The following COL24A1 variants were observed in gnomAD, a reference collection of about 807,000 sequenced individuals.
COL24A1 encodes collagen type XXIV alpha 1 chain, also known as collagen alpha-1(XXIV) chain.
COL24A1 carries 224 observed loss-of-function variants against 253.9 expected under a neutral mutation model. The observed-to-expected ratio is 0.88, with a 90% CI of 0.79 to 0.99. The LOEUF is 0.99. Ranked by LOEUF, COL24A1 falls within the 50% of genes least tolerant of loss-of-function variation. COL24A1 has a pLI of 0.00. For synonymous variants in COL24A1, 685 were observed against 673.7 expected (o/e 1.02, Z -0.26); for missense variants, 2,131 against 2,068.5 (o/e 1.03, Z -0.59).
At chr1:85,927,363 G>A (rs990646717) in intron 24 of COL24A1, among the ~76,000 whole-genome samples, 3 of 151,520 alleles carry the variant, frequency 2.0e-5, no homozygotes, top group Non-Finnish European at 4.4e-5. Context: ...CGAATATTGC[G>A]CTTTTCAGAC....
intron 24 of COL24A1, among the ~76,000 whole-genome samples, chr1:85,949,052 T>C (rs1374295515): frequency 6.6e-6 from 1 of 152,150 alleles, no homozygotes; most frequent in Non-Finnish European, 1.5e-5. Context: ...TCGTGACATA[T>C]TGGTATCTTC....
intron 24 of COL24A1, among the ~76,000 whole-genome samples, chr1:85,915,415 G>A (rs1255569677): frequency 1.3e-5 from 2 of 152,146 alleles, no homozygotes; most frequent in Non-Finnish European, 2.9e-5. Context: ...AGGATCTCCT[G>A]TTTGTGGATG....
intron 1 of COL24A1, among the ~76,000 whole-genome samples, chr1:86,151,026 A>AT (rs1652687624): frequency 6.6e-6 from 1 of 152,056 alleles, no homozygotes; most frequent in Non-Finnish European, 1.5e-5. Flanking sequence ...TACTTAGCAA[A>AT]ATGTTATATA....
chr1:85,892,355 A>G (rs1683221543), intron 31 of COL24A1, among the ~76,000 whole-genome samples: 1 of 152,116 alleles, frequency 6.6e-6, no homozygotes, highest in African/African-American at 2.4e-5. Flanking sequence ...CTGTCAACCT[A>G]AAATCTGATA....
At chr1:85,874,735 T>C (rs1558487819) in intron 34 of COL24A1, 33 bp from the exon 35 acceptor site, 5 of 1,608,008 alleles carry the variant, frequency 3.1e-6, no homozygotes, top group Admixed American at 1.7e-5. Flanking sequence ...TAAACTCTTT[T>C]CTACTAAGAC....
chr1:86,035,933 T>G (rs1168817676), intron 12 of COL24A1, among the ~76,000 whole-genome samples: 1 of 151,978 alleles, frequency 6.6e-6, no homozygotes, highest in Non-Finnish European at 1.5e-5. Flanking sequence ...AGAGGGAAGA[T>G]GAGAAAGAGA....
intron 37 of COL24A1, among the ~76,000 whole-genome samples, chr1:85,855,209 G>T (rs2102381467): frequency 6.6e-6 from 1 of 152,088 alleles, no homozygotes; most frequent in South Asian, 2.1e-4. Flanking sequence ...TTTCCTATTT[G>T]GATGCCTTTT....
chr1:85,899,358 A>G (rs1258749426), intron 28 of COL24A1, among the ~76,000 whole-genome samples: 1 of 152,194 alleles, frequency 6.6e-6, no homozygotes, highest in Non-Finnish European at 1.5e-5. Context: ...ACTCCTTTAC[A>G]ACCTAGAATT....
At chr1:85,865,576 A>G (rs1679695198) in intron 37 of COL24A1, among the ~76,000 whole-genome samples, 1 of 152,168 alleles carries the variant, frequency 6.6e-6, no homozygotes, top group African/African-American at 2.4e-5. Context: ...ACCAGCTGTC[A>G]TACTGTATCA....
chr1:85,736,570 A>T (rs1299122432), intron 58 of COL24A1: 1 of 444,744 alleles, frequency 2.2e-6, no homozygotes, highest in Non-Finnish European at 4.6e-6. Flanking sequence ...CTATTAAGAT[A>T]AATTGATGGA....
intron 2 of COL24A1, among the ~76,000 whole-genome samples, chr1:86,143,248 A>G (rs925820305): frequency 6.6e-6 from 1 of 152,200 alleles, no homozygotes; most frequent in Non-Finnish European, 1.5e-5. Context: ...TATCAGCTCT[A>G]CTGGAAGCTT....
chr1:86,081,484 A>G (rs1557540686), intron 7 of COL24A1, among the ~76,000 whole-genome samples: 1 of 152,152 alleles, frequency 6.6e-6, no homozygotes, highest in Non-Finnish European at 1.5e-5. Context: ...TAAAATTCCT[A>G]TGTTATCACT....
intron 24 of COL24A1, among the ~76,000 whole-genome samples, chr1:85,919,262 A>T (rs558946900): frequency 6.6e-6 from 1 of 152,338 alleles, no homozygotes; most frequent in African/African-American, 2.4e-5. Context: ...GCCTAAACTG[A>T]CTGATGCAAT....
chr1:85,811,778 G>A (rs2101886352), intron 47 of COL24A1, among the ~76,000 whole-genome samples: 1 of 152,302 alleles, frequency 6.6e-6, no homozygotes, highest in Admixed American at 6.5e-5. Flanking sequence ...GTCTATTCAA[G>A]TATTTTGCCA....
At chr1:86,051,301 A>G (rs1700279347) in intron 10 of COL24A1, among the ~76,000 whole-genome samples, 1 of 152,144 alleles carries the variant, frequency 6.6e-6, no homozygotes, top group Admixed American at 6.6e-5. Flanking sequence ...ACAAATAAAT[A>G]ACTGTAACAT....
At chr1:86,038,273 G>C (rs1699184413) in intron 12 of COL24A1, among the ~76,000 whole-genome samples, 1 of 152,102 alleles carries the variant, frequency 6.6e-6, no homozygotes, top group South Asian at 2.1e-4. Context: ...AAAATTACCA[G>C]AAAACAGTAT....
At chr1:86,024,355 C>T (rs1187380750) in intron 14 of COL24A1, among the ~76,000 whole-genome samples, 1 of 152,008 alleles carries the variant, frequency 6.6e-6, no homozygotes, top group African/African-American at 2.4e-5. Flanking sequence ...CCAGACCCAA[C>T]ATAATAACTG....
At chr1:85,839,299 A>G (rs1676358409) in intron 42 of COL24A1, among the ~76,000 whole-genome samples, 1 of 152,232 alleles carries the variant, frequency 6.6e-6, no homozygotes, top group South Asian at 2.1e-4. Flanking sequence ...TTTACTAAAT[A>G]TTAAAATGAT....
chr1:85,773,456 T>C (rs185339349), intron 53 of COL24A1, among the ~76,000 whole-genome samples: 1 of 152,354 alleles, frequency 6.6e-6, no homozygotes, highest in East Asian at 1.9e-4. Flanking sequence ...TAAATTACTT[T>C]AGGCAGTATG....
Sources: allele counts gnomAD v4.1 joint callset (sites outside exome capture counted in the v4.1 genomes callset), GRCh38; gene constraint gnomAD v4.1.1; transcripts MANE v1.5; gene names NCBI Gene and HGNC (gene_info 2026-07-23, HGNC 2026-07-21).